The following GLI2 variants were observed in gnomAD, a reference collection of about 807,000 sequenced individuals.
The protein encoded by GLI2 is transcription activator GLI2.
A neutral mutation model predicts 78.9 loss-of-function variants in GLI2; 22 were observed. The observed-to-expected ratio is 0.28, with a 90% confidence interval of 0.20 to 0.40. The LOEUF (loss-of-function observed/expected upper bound fraction) is 0.40. GLI2 is among the 10% of genes least tolerant of loss of function. The pLI is 1.00. For missense variants in GLI2, 2,097 were observed against 2,213.2 expected (o/e 0.95, Z 1.05); for synonymous variants, 974 against 963.7 (o/e 1.01, Z -0.20).
chr2:120,978,482 C>T lies in GLI2; in HGVS notation c.1366C>T (p.Arg456Cys), dbSNP rs370251398. 1.9e-5 allele frequency: 30 copies of T among 1,614,042 alleles called. No homozygotes were observed. The highest frequency in any genetic ancestry group is 2.2e-5 in the South Asian group (2 of 91,092). The change falls in exon 10 of 14, where the codon CGC (arginine) becomes TGC (cysteine). Residue 456 changes from arginine to cysteine, a missense_variant. By Grantham distance (180) the Arg-to-Cys change is radical. This residue lies in a region of GLI2 where 104 missense variants were observed against 190.6 expected (regional missense o/e 0.55). Coordinates refer to ENST00000361492, the MANE Select transcript of GLI2 (RefSeq NM_001374353.1). The part of the protein sequence containing the change: ...IHGEKKEFVC[R>C]WQACTREQKP... ...CGGGGAGAAGAAGGAGTTTGTGTGC[C>T]GCTGGCAGGCCTGCACGCGGGAGCA...
At chr2:120,986,959 G>A (rs1159030694) in intron 13 of GLI2, among the ~76,000 whole-genome samples, 1 of 152,218 alleles carries the variant, frequency 6.6e-6, no homozygotes, top group Non-Finnish European at 1.5e-5. Flanking sequence ...CCCTAGGCAG[G>A]AGAGCCATTT....
intron 1 of GLI2, among the ~76,000 whole-genome samples, chr2:120,748,924 C>T (rs1682777402): frequency 1.3e-5 from 2 of 151,886 alleles, no homozygotes; most frequent in African/African-American, 4.8e-5. Flanking sequence ...ATCCAACCAC[C>T]CATTCATCCA....
chr2:120,991,055 T>C lies in GLI2; in HGVS notation c.*380T>C. On this transcript the variant is annotated 3_prime_UTR_variant, in exon 14 of 14. Coordinates refer to ENST00000361492, the MANE Select transcript of GLI2 (RefSeq NM_001374353.1). ...TATGCAGAAAGATGGTAGGGAGCAT[T>C]TGGGTTTGAATCTGAATGCTATACT... The C allele has an allele frequency of 4.7e-6, 1 of 212,762 alleles. No individual in the cohort carries two copies. Among genetic ancestry groups the C allele is most frequent in the South Asian group, 1.0e-4 (1 of 9,874 alleles). 13.2% of individuals were successfully genotyped at this position (212,762 alleles called of 1,614,324 possible). A position where few individuals can be genotyped will look rare whatever the true frequency, so the allele number is the denominator to read the frequency against.
At chr2:120,929,519 C>T (rs967934025) in intron 3 of GLI2, among the ~76,000 whole-genome samples, 17 of 152,214 alleles carry the variant, frequency 1.1e-4, no homozygotes, top group African/African-American at 3.1e-4. Flanking sequence ...AAAGCTGTCC[C>T]GCCTCCCACA....
chr2:120,777,001 G>T (rs1004149337), intron 1 of GLI2, among the ~76,000 whole-genome samples: 2 of 152,238 alleles, frequency 1.3e-5, no homozygotes, highest in African/African-American at 4.8e-5. Context: ...GCAGTGAGAG[G>T]TGGGCACCTG....
At chr2:120,781,346 G>A (rs752806192) in intron 1 of GLI2, among the ~76,000 whole-genome samples, 2 of 152,174 alleles carry the variant, frequency 1.3e-5, no homozygotes, top group Non-Finnish European at 2.9e-5. Flanking sequence ...AACCAGGTGG[G>A]CAGAGGCAGA....
intron 1 of GLI2, among the ~76,000 whole-genome samples, chr2:120,738,701 GT>G (rs1478023014): frequency 6.6e-6 from 1 of 152,178 alleles, no homozygotes; most frequent in African/African-American, 2.4e-5. Flanking sequence ...TAGAATGATA[GT>G]AGAAAGAGCC....
chr2:120,886,268 T>A (rs1677409166), intron 2 of GLI2, among the ~76,000 whole-genome samples: 1 of 127,620 alleles, frequency 7.8e-6, no homozygotes. Context: ...TTTTGTTTTG[T>A]TTTGTTTTGT....
At chr2:120,853,694 G>A (rs1488316660) in intron 2 of GLI2, among the ~76,000 whole-genome samples, 2 of 152,304 alleles carry the variant, frequency 1.3e-5, no homozygotes, top group African/African-American at 4.8e-5. Context: ...TTGCTATCAG[G>A]AGAAAGACGC....
intron 2 of GLI2, among the ~76,000 whole-genome samples, chr2:120,826,374 C>T (rs79787190): frequency 0.013 from 1,928 of 152,286 alleles, 45 homozygotes; most frequent in African/African-American, 0.043. Context: ...TTTTATTCAG[C>T]TTCTGATGTT....
At chr2:120,819,530 G>C (rs1685665269) in intron 2 of GLI2, among the ~76,000 whole-genome samples, 1 of 152,124 alleles carries the variant, frequency 6.6e-6, no homozygotes, top group Non-Finnish European at 1.5e-5. Context: ...GTGAGTCACT[G>C]CACCCCACCG....
At chr2:120,878,972 AC>A (rs934308708) in intron 2 of GLI2, among the ~76,000 whole-genome samples, 3 of 151,556 alleles carry the variant, frequency 2.0e-5, no homozygotes, top group African/African-American at 7.3e-5. Context: ...CCTCCAGCTC[AC>A]CCCTTCTTGC....
chr2:120,925,235 T>C (rs1679605663), intron 2 of GLI2, among the ~76,000 whole-genome samples: 1 of 152,240 alleles, frequency 6.6e-6, no homozygotes, highest in Non-Finnish European at 1.5e-5. Flanking sequence ...TCTTTGAGTC[T>C]GAGTTGGGGA....
At chr2:120,910,853 C>T (rs1481071659) in intron 2 of GLI2, among the ~76,000 whole-genome samples, 1 of 152,224 alleles carries the variant, frequency 6.6e-6, no homozygotes, top group East Asian at 1.9e-4. Context: ...GCATGGCAGA[C>T]CCATTCTGTT....
In GLI2 at chr2:120,737,716, G is replaced by C. The variant is rs1160586675; in HGVS notation, c.-31+1431G>C. ...AGGGAGCAGTTGTAAAACGCTCATAGGCTGTTTGCAGACGAGGCTCTGGGG... is the reference window on the plus strand; with the variant it reads ...AGGGAGCAGTTGTAAAACGCTCATACGCTGTTTGCAGACGAGGCTCTGGGG... On this transcript the variant is annotated intron_variant, in intron 1 of 13. Coordinates refer to ENST00000361492, the MANE Select transcript of GLI2 (RefSeq NM_001374353.1). The surrounding 1 kb of genome is among the most constrained non-coding windows in gnomAD (Gnocchi z 4.3). Among the ~76,000 whole-genome samples the C allele has an allele frequency of 2.6e-5, 4 of 152,240 alleles. No homozygotes were observed. The highest frequency in any genetic ancestry group is 5.9e-5 in the Non-Finnish European group (4 of 68,036).
At chr2:120,742,120 C>T (rs1198034866) in intron 1 of GLI2, among the ~76,000 whole-genome samples, 1 of 152,218 alleles carries the variant, frequency 6.6e-6, no homozygotes, top group East Asian at 1.9e-4. Flanking sequence ...GCCCCGTGAC[C>T]AAACTTTTGG....
intron 2 of GLI2, among the ~76,000 whole-genome samples, chr2:120,910,675 A>G (rs953937218): frequency 6.6e-6 from 1 of 152,172 alleles, no homozygotes; most frequent in Non-Finnish European, 1.5e-5. Flanking sequence ...AGAGGGGCCC[A>G]TTTTTAACGC....
chr2:120,961,546 G>A (rs999168960), intron 5 of GLI2, among the ~76,000 whole-genome samples: 6 of 152,186 alleles, frequency 3.9e-5, no homozygotes, highest in African/African-American at 1.2e-4. Flanking sequence ...AGCACAGCCT[G>A]TTTCTCTGTG....
intron 1 of GLI2, among the ~76,000 whole-genome samples, chr2:120,794,647 G>A (rs1684302364): frequency 6.6e-6 from 1 of 152,090 alleles, no homozygotes; most frequent in South Asian, 2.1e-4. Context: ...GGCGAGGAGA[G>A]GAGGAAGGTG....
Sources: gnomAD v4.1 joint callset for allele counts (sites outside exome capture counted in the v4.1 genomes callset) on GRCh38, gnomAD v4.1.1 for gene constraint, gnomAD v4.1.1 regional missense constraint, Gnocchi (gnomAD v3.1) non-coding constraint, MANE v1.5 for transcripts, NCBI Gene and HGNC (gene_info 2026-07-23, HGNC 2026-07-21) for gene names.